CNTN6: variants seen among roughly 807,000 people sequenced by gnomAD.
The protein encoded by CNTN6 is contactin 6.
Under a neutral mutation model 122.8 loss-of-function variants are expected in CNTN6, and 137 were observed. The observed-to-expected ratio is 1.12, with a 90% CI of 0.97 to 1.29. The LOEUF (loss-of-function observed/expected upper bound fraction) is 1.29. Among genes scored for constraint, CNTN6 ranks in the 50% most tolerant of loss-of-function variants. CNTN6 has a pLI of 0.00. For synonymous variants in CNTN6, 570 were observed against 426.0 expected (o/e 1.34, Z -4.16); for missense variants, 1,634 against 1,223.4 (o/e 1.34, Z -5.01).
intron 4 of CNTN6, among the ~76,000 whole-genome samples, chr3:1,251,325 C>T (rs545890333): frequency 2.6e-5 from 4 of 152,284 alleles, no homozygotes; most frequent in Admixed American, 2.0e-4. Flanking sequence ...TCACTCTCTC[C>T]AGTCCATGGA....
intron 2 of CNTN6, among the ~76,000 whole-genome samples, chr3:1,200,922 G>A (rs919173603): frequency 1.4e-5 from 2 of 145,392 alleles, no homozygotes; most frequent in African/African-American, 2.6e-5. Context: ...TGTTTCTTTC[G>A]TTCTTTTTTT....
chr3:1,374,148 A>T (rs1181241720), intron 16 of CNTN6, 75 bp downstream of exon 16: 4 of 1,447,178 alleles, frequency 2.8e-6, no homozygotes, highest in Non-Finnish European at 3.7e-6. Flanking sequence ...AAGTATTTTT[A>T]TGTGTCTTCT....
At chr3:1,317,661 A>T (rs1195871708) in intron 7 of CNTN6, among the ~76,000 whole-genome samples, 4 of 151,632 alleles carry the variant, frequency 2.6e-5, no homozygotes, top group African/African-American at 9.7e-5. Flanking sequence ...GTGGAAAGAG[A>T]TCTCCTCTTC....
chr3:1,287,036 A>G (rs1300406837), intron 5 of CNTN6, among the ~76,000 whole-genome samples: 1 of 152,166 alleles, frequency 6.6e-6, no homozygotes, highest in Non-Finnish European at 1.5e-5. Context: ...CTAAATATAT[A>G]TGCACCCAAT....
intron 7 of CNTN6, among the ~76,000 whole-genome samples, chr3:1,308,322 T>TGC (rs1553674869): frequency 2.0e-5 from 3 of 149,378 alleles, no homozygotes; most frequent in Admixed American, 1.3e-4. Context: ...TGTGTGTGTG[T>TGC]GCACCTGTTA....
intron 4 of CNTN6, among the ~76,000 whole-genome samples, chr3:1,254,857 C>A (rs1011602150): frequency 2.6e-5 from 4 of 151,942 alleles, no homozygotes; most frequent in African/African-American, 9.7e-5. Context: ...ATGAAAAAAA[C>A]CCATGATGTC....
At chr3:1,219,570 G>C (rs144379248) in intron 2 of CNTN6, among the ~76,000 whole-genome samples, 64 of 152,308 alleles carry the variant, frequency 4.2e-4, no homozygotes, top group Admixed American at 2.3e-3. Flanking sequence ...ACAGGGAAGA[G>C]TCTGTGACTT....
At chr3:1,366,439 T>C (rs1006929333) in intron 12 of CNTN6, among the ~76,000 whole-genome samples, 3 of 152,136 alleles carry the variant, frequency 2.0e-5, no homozygotes, top group East Asian at 3.9e-4. Flanking sequence ...CTGGCACATA[T>C]GCACTCTTAG....
At chr3:1,168,122 G>T (rs1054032597) in intron 2 of CNTN6, among the ~76,000 whole-genome samples, 4 of 151,776 alleles carry the variant, frequency 2.6e-5, no homozygotes, top group Non-Finnish European at 5.9e-5. Flanking sequence ...TGGCCAGGTT[G>T]GTCTCGATCT....
Position 1,382,943 on chromosome 3 carries a change from C to A in CNTN6, c.2168C>A (p.Ser723Ter), listed in dbSNP as rs748099422. Residue 723 changes from serine to a stop codon, truncating the protein, a stop_gained and splice_region_variant, in exon 18 of 23, where the codon TCA (serine) becomes TAA (stop). Transcript: ENST00000446702. LOFTEE classifies it high-confidence loss of function. ...SRSELVITWE[S>*]IPEELQNGEG... ...GTGATTGATCACATTCTGCCCAAGT[C>A]AATTCCAGAAGAACTGCAGAATGGG... 1.2e-6 allele frequency: 2 copies of A among 1,611,000 alleles called. No individual in the cohort carries two copies. Among genetic ancestry groups the A allele is most frequent in the African/African-American group, 1.3e-5 (1 of 74,830 alleles).
At chr3:1,374,785 A>G (rs1278976479) in intron 16 of CNTN6, among the ~76,000 whole-genome samples, 3 of 152,078 alleles carry the variant, frequency 2.0e-5, no homozygotes, top group Non-Finnish European at 2.9e-5. Context: ...TAATTTAACA[A>G]ACACAAATTA....
At chr3:1,317,563 TTCG>T (rs1255415371) in intron 7 of CNTN6, among the ~76,000 whole-genome samples, 2 of 151,834 alleles carry the variant, frequency 1.3e-5, no homozygotes, top group Admixed American at 1.3e-4. Context: ...CTGTGTTAGT[TTCG>T]GATTTCAGAG....
At chr3:1,308,061 T>C (rs932997496) in intron 7 of CNTN6, among the ~76,000 whole-genome samples, 8 of 152,194 alleles carry the variant, frequency 5.3e-5, no homozygotes, top group African/African-American at 1.4e-4. Context: ...AATGAGACTA[T>C]AGAATTCTTC....
chr3:1,146,009 A>ATT (rs34126542), intron 1 of CNTN6, among the ~76,000 whole-genome samples: 4 of 151,328 alleles, frequency 2.6e-5, no homozygotes, highest in East Asian at 1.9e-4. Flanking sequence ...CAGAGATCCA[A>ATT]TTTTTTTTTA....
chr3:1,196,462 T>C (rs2093780281), intron 2 of CNTN6, among the ~76,000 whole-genome samples: 1 of 152,118 alleles, frequency 6.6e-6, no homozygotes, highest in Non-Finnish European at 1.5e-5. Context: ...GATTTTTTTG[T>C]TTTTGTTTTT....
In CNTN6 at chr3:1,321,649, G is replaced by C. The variant is rs376119837; in HGVS notation, c.762-1G>C. ...TATTCTAATGAGGTGTAACTGTTTAGTCCAGTCCCCGATATTAGTTGGAGA... is the reference window on the plus strand; with the variant it reads ...TATTCTAATGAGGTGTAACTGTTTACTCCAGTCCCCGATATTAGTTGGAGA... On this transcript the variant is annotated splice_acceptor_variant, in intron 7 of 22. Transcript: ENST00000446702. LOFTEE classifies it high-confidence loss of function. 6.2e-7 allele frequency: 1 copy of C among 1,610,148 alleles called. No individual in the cohort carries two copies. Among genetic ancestry groups the C allele is most frequent in the South Asian group, 1.1e-5 (1 of 90,824 alleles).
At chr3:1,157,321 G>A (rs1373100112) in intron 2 of CNTN6, among the ~76,000 whole-genome samples, 4 of 152,052 alleles carry the variant, frequency 2.6e-5, no homozygotes, top group South Asian at 2.1e-4. Flanking sequence ...AGGTTCAAGC[G>A]TTTCTCCTGC....
At chr3:1,145,931 G>A (rs992112566) in intron 1 of CNTN6, among the ~76,000 whole-genome samples, 2 of 152,088 alleles carry the variant, frequency 1.3e-5, no homozygotes, top group African/African-American at 4.8e-5. Context: ...TTTGTTTTAG[G>A]AAGAAAATTT....
At chr3:1,297,824 A>C (rs1375189647) in intron 6 of CNTN6, 65 bp from the exon 7 acceptor site, 1 of 1,260,096 alleles carries the variant, frequency 7.9e-7, no homozygotes, top group Non-Finnish European at 1.1e-6. Context: ...TGGTTAATGA[A>C]GCATTTACTT....
Sources: gnomAD v4.1 joint callset for allele counts (sites outside exome capture counted in the v4.1 genomes callset) on GRCh38, gnomAD v4.1.1 for gene constraint, MANE v1.5 for transcripts, NCBI Gene and HGNC (gene_info 2026-07-23, HGNC 2026-07-21) for gene names.